The following MICU1 variants were observed in gnomAD, a reference collection of about 807,000 sequenced individuals.
MICU1 encodes mitochondrial calcium uptake 1, also known as calcium uptake protein 1, mitochondrial.
In MICU1, 45 loss-of-function variants were observed where a neutral mutation model predicts 56.8. The observed-to-expected ratio is 0.79, with a 90% confidence interval of 0.62 to 1.02. The LOEUF (loss-of-function observed/expected upper bound fraction) is 1.02. Ranked by LOEUF, MICU1 falls within the 50% of genes least tolerant of loss-of-function variation. The pLI is 0.00. For synonymous variants in MICU1, 186 were observed against 195.1 expected (o/e 0.95, Z 0.39); for missense variants, 504 against 587.1 (o/e 0.86, Z 1.46).
At chr10:72,389,583 T>C (rs1863001223) in intron 10 of MICU1, among the ~76,000 whole-genome samples, 1 of 152,178 alleles carries the variant, frequency 6.6e-6, no homozygotes. Context: ...GTAAGTAGAA[T>C]TGTGCAGGGG....
chr10:72,514,839 T>TC (rs1867596628), intron 5 of MICU1, among the ~76,000 whole-genome samples: 1 of 152,114 alleles, frequency 6.6e-6, no homozygotes, highest in Admixed American at 6.6e-5. Flanking sequence ...CCTTCTACAC[T>TC]CCCCTGTATA....
intron 10 of MICU1, among the ~76,000 whole-genome samples, chr10:72,386,594 C>T (rs1374446070): frequency 7.6e-6 from 1 of 132,070 alleles, no homozygotes; most frequent in African/African-American, 2.8e-5. Context: ...GTGTCTCATT[C>T]TGTCACCCCG....
At chr10:72,545,929 GTCTGTTTTGTCAATCTTAAATA>G (rs1839883928) in intron 4 of MICU1, among the ~76,000 whole-genome samples, 1 of 152,186 alleles carries the variant, frequency 6.6e-6, no homozygotes, top group Non-Finnish European at 1.5e-5. Context: ...GCTACAAACA[GTCTGTTTTGTCAATCTTAAATA>G]TCTGTTTTAA....
chr10:72,585,768 T>C (rs1471087304), intron 1 of MICU1, among the ~76,000 whole-genome samples: 4 of 152,118 alleles, frequency 2.6e-5, no homozygotes, highest in Non-Finnish European at 4.4e-5. Flanking sequence ...AATCCCTCAG[T>C]ATCTGCAAGG....
chr10:72,373,886 C>T (rs1447769527), intron 11 of MICU1, among the ~76,000 whole-genome samples: 2 of 152,070 alleles, frequency 1.3e-5, no homozygotes, highest in East Asian at 1.9e-4. Context: ...GAACTCTCTG[C>T]GATGTGGGAA....
chr10:72,509,406 A>G (rs1165486388), intron 5 of MICU1: 1 of 1,333,150 alleles, frequency 7.5e-7, no homozygotes, highest in South Asian at 1.2e-5. Flanking sequence ...ACCTCTGTCT[A>G]GTGGAGATCC....
intron 7 of MICU1, among the ~76,000 whole-genome samples, chr10:72,476,104 A>T (rs1174021646): frequency 6.6e-6 from 1 of 151,728 alleles, no homozygotes; most frequent in African/African-American, 2.4e-5. Flanking sequence ...GTGGGTGCCT[A>T]TAATCCCAGC....
rs150247548 is a variant in MICU1 at position 72,568,437 on chromosome 10, T to C, written c.-1-1643A>G. On this transcript the variant is annotated intron_variant, in intron 1 of 11. Coordinates refer to ENST00000361114, the MANE Select transcript of MICU1 (RefSeq NM_001195518.2). ...ATGTCTTGCTCTAACCAATGGAATG[T>C]GGACCAGTTCCATGAAGTGCTTTTA... Among the ~76,000 whole-genome samples, 471 of 152,322 alleles carry C rather than the reference T, an allele frequency of 3.1e-3. 2 individuals are homozygous for C. Among genetic ancestry groups the C allele is most frequent in the African/African-American group, 0.011 (445 of 41,574 alleles).
At chr10:72,457,939 CG>C (rs1182475072) in intron 8 of MICU1, among the ~76,000 whole-genome samples, 10 of 152,118 alleles carry the variant, frequency 6.6e-5, no homozygotes, top group African/African-American at 2.4e-4. Context: ...GAAGCCGAGG[CG>C]GGTGGATCAT....
chr10:72,589,091 C>T (rs1841149205), intron 1 of MICU1, among the ~76,000 whole-genome samples: 1 of 152,088 alleles, frequency 6.6e-6, no homozygotes, highest in Non-Finnish European at 1.5e-5. Context: ...AGTTTGAGAC[C>T]ACCCTGGCCA....
intron 9 of MICU1, among the ~76,000 whole-genome samples, chr10:72,413,425 T>C (rs1180144900): frequency 1.3e-5 from 2 of 152,150 alleles, no homozygotes; most frequent in African/African-American, 4.8e-5. Flanking sequence ...TTGAAAATCA[T>C]ATATTTGGTA....
rs1554886552 is a variant in MICU1 at position 72,535,021 on chromosome 10, T to TTTTA, written c.494-1236_494-1233dup. Among the ~76,000 whole-genome samples the TTTTA allele has an allele frequency of 5.6e-3, 545 of 96,670 alleles. 15 individuals are homozygous for TTTTA. Among genetic ancestry groups the TTTTA allele is most frequent in the African/African-American group, 0.023 (517 of 22,632 alleles). 63.4% of individuals were successfully genotyped at this position (96,670 alleles called of 152,430 possible). On this transcript the variant is annotated intron_variant, in intron 4 of 11. Coordinates refer to ENST00000361114, the MANE Select transcript of MICU1 (RefSeq NM_001195518.2). Reference sequence around the variant, plus strand: ...TCCCTCTATTTTTTATTTTATTTTATTTTATTTTATTTTATTTATTTATTT... The same window carrying TTTTA: ...TCCCTCTATTTTTTATTTTATTTTATTTTATTTATTTTATTTTATTTATTTATTT...
intron 1 of MICU1, among the ~76,000 whole-genome samples, chr10:72,572,119 T>C (rs1404562111): frequency 6.6e-6 from 1 of 151,810 alleles, no homozygotes; most frequent in Non-Finnish European, 1.5e-5. Flanking sequence ...AAGAAGCTCA[T>C]CCCTCCTCCT....
intron 4 of MICU1, among the ~76,000 whole-genome samples, chr10:72,547,533 G>GTATA (rs5786084): frequency 0.43 from 62,446 of 145,942 alleles, 14,505 homozygotes; most frequent in Non-Finnish European, 0.55. Flanking sequence ...ATACACATAT[G>GTATA]TATATATATA....
chr10:72,454,377 C>A (rs149379059), intron 8 of MICU1, among the ~76,000 whole-genome samples: 2 of 150,416 alleles, frequency 1.3e-5, no homozygotes, highest in Non-Finnish European at 3.0e-5. Flanking sequence ...TTGCTTGAAC[C>A]GGGGAGATGG....
chr10:72,477,414 T>C (rs1440382868), intron 6 of MICU1, 158 bp from the exon 7 acceptor site: 37 of 1,265,262 alleles, frequency 2.9e-5, no homozygotes, highest in Non-Finnish European at 4.1e-5. Context: ...ACTGCATTTA[T>C]TGAGATCACC....
chr10:72,517,617 C>CG (rs1867687202), intron 5 of MICU1, among the ~76,000 whole-genome samples: 1 of 151,704 alleles, frequency 6.6e-6, no homozygotes, highest in Non-Finnish European at 1.5e-5. Context: ...TTTGGCGACT[C>CG]GGGGGTGTGG....
At chr10:72,610,259 CAAAA>C (rs386371809) in intron 1 of MICU1, among the ~76,000 whole-genome samples, 1 of 118,954 alleles carries the variant, frequency 8.4e-6, no homozygotes, top group Non-Finnish European at 1.7e-5. Context: ...ACATACTCTC[CAAAA>C]AAAAAAAAAA....
chr10:72,422,716 C>CT (rs11330509), intron 9 of MICU1, among the ~76,000 whole-genome samples: 58 of 142,086 alleles, frequency 4.1e-4, no homozygotes, highest in East Asian at 3.0e-3. Context: ...TTTAGGTATT[C>CT]TTTTTTTTTT....
Sources: gnomAD v4.1 joint callset for allele counts (sites outside exome capture counted in the v4.1 genomes callset) on GRCh38, gnomAD v4.1.1 for gene constraint, MANE v1.5 for transcripts, NCBI Gene and HGNC (gene_info 2026-07-23, HGNC 2026-07-21) for gene names.